Variants in USP6NL observed in about 807,000 individuals in gnomAD.
USP6NL encodes the protein USP6 N-terminal like, also known as USP6 N-terminal-like protein.
USP6NL carries 26 observed loss-of-function variants against 61.9 expected under a neutral mutation model. The ratio of observed to expected loss-of-function variants is 0.42; its 90% CI spans 0.31 to 0.58. The LOEUF (loss-of-function observed/expected upper bound fraction) is 0.58, where lower values mean the gene tolerates loss of function less well. Among genes scored for constraint, USP6NL ranks in the 20% least tolerant of loss-of-function variants. The pLI, the probability that USP6NL is intolerant of heterozygous loss-of-function variation, is 0.16. For synonymous variants in USP6NL, 432 were observed against 390.1 expected (o/e 1.11, Z -1.27); for missense variants, 1,114 against 1,034.3 (o/e 1.08, Z -1.06).
chr10:11,503,235 T>C (rs1410955244), intron 6 of USP6NL, among the ~76,000 whole-genome samples: 1 of 152,202 alleles, frequency 6.6e-6, no homozygotes, highest in East Asian at 1.9e-4. Context: ...CTGACTTCAG[T>C]GGACCCGAAC....
rs575466049 is a variant in USP6NL at position 11,536,504 on chromosome 10, G to A, written c.5-8937C>T. Among the ~76,000 whole-genome samples the A allele has an allele frequency of 9.9e-5, 15 of 152,260 alleles. No homozygotes were observed. The East Asian group carries it at 2.9e-3, about 29-fold the overall frequency. ...AAGAACAAGGTTTAGACAATCAATA[G>A]CTTATGTTATTTTGATGTAAATTCT... On this transcript the variant is annotated intron_variant, in intron 2 of 14. Transcript: ENST00000609104.
intron 14 of USP6NL, among the ~76,000 whole-genome samples, chr10:11,466,380 T>C (rs573136796): frequency 2.0e-5 from 3 of 152,326 alleles, no homozygotes; most frequent in African/African-American, 7.2e-5. Flanking sequence ...GTTTCCCAAA[T>C]GTTGTTAAGC....
intron 2 of USP6NL, among the ~76,000 whole-genome samples, chr10:11,590,700 T>C (rs1166796029): frequency 1.3e-5 from 2 of 152,100 alleles, no homozygotes; most frequent in Non-Finnish European, 2.9e-5. Context: ...CTCTATTTTC[T>C]AAAACTAATG....
rs561781544 is a variant in USP6NL, at chr10:11,481,087, T to C, written c.1078+683A>G. 2.6e-5 allele frequency among the ~76,000 whole-genome samples: 4 copies of C among 152,322 alleles called. No individual in the cohort carries two copies. The highest frequency in any genetic ancestry group is 9.6e-5 in the African/African-American group (4 of 41,566). Reference sequence around the variant, plus strand: ...ATGCCCCATTCACCCTCTGTTATCATTCTCGTATATTCTAGCTCTCCAGTG... The same window carrying C: ...ATGCCCCATTCACCCTCTGTTATCACTCTCGTATATTCTAGCTCTCCAGTG... On this transcript the variant is annotated intron_variant, in intron 14 of 14. Transcript: ENST00000609104. The surrounding 1 kb of genome is among the most constrained non-coding windows in gnomAD (Gnocchi z 4.4).
In USP6NL at chr10:11,585,924, G is replaced by C. The variant is rs1028015950; in HGVS notation, c.4+11707C>G. ...GAGGTACCTAGAGGTCAGAGGCCGG[G>C]AAGAGGAAGAAACAGAGCATTAGTG... On this transcript the variant is annotated intron_variant, in intron 2 of 14. Transcript: ENST00000609104. This position sits in a 1 kb window ranked among gnomAD's most constrained non-coding sequence, Gnocchi z 4.5. Among the ~76,000 whole-genome samples, 1 of 152,140 alleles carries C rather than the reference G, an allele frequency of 6.6e-6. No homozygotes were observed. The highest frequency in any genetic ancestry group is 2.1e-4 in the South Asian group (1 of 4,826).
chr10:11,471,416 G>A (rs962568998), intron 14 of USP6NL, among the ~76,000 whole-genome samples: 15 of 152,290 alleles, frequency 9.8e-5, no homozygotes, highest in African/African-American at 3.6e-4. Flanking sequence ...AAGTCAGTGT[G>A]GCGATTCCTC....
chr10:11,539,844 A>C (rs1835979615), intron 2 of USP6NL, among the ~76,000 whole-genome samples: 1 of 152,200 alleles, frequency 6.6e-6, no homozygotes, highest in Admixed American at 6.5e-5. Flanking sequence ...AACATGCATA[A>C]TCTCACTTAA....
chr10:11,576,473 T>C (rs1177998737), intron 2 of USP6NL, among the ~76,000 whole-genome samples: 2 of 152,196 alleles, frequency 1.3e-5, no homozygotes, highest in East Asian at 3.8e-4. Context: ...GGAGCAGAGC[T>C]TTCATTAATG....
Position 11,589,624 on chromosome 10 carries a change from G to C in USP6NL, c.4+8007C>G, listed in dbSNP as rs1484887952. Among the ~76,000 whole-genome samples the C allele has an allele frequency of 6.6e-6, 1 of 152,174 alleles. No homozygotes were observed. Among genetic ancestry groups the C allele is most frequent in the Non-Finnish European group, 1.5e-5 (1 of 68,030 alleles). On this transcript the variant is annotated intron_variant, in intron 2 of 14. Coordinates refer to ENST00000609104, the MANE Select transcript of USP6NL (RefSeq NM_014688.5). This position sits in a 1 kb window ranked among gnomAD's most constrained non-coding sequence, Gnocchi z 4.7. ...ACATAACTAGGTTCACCAGTGAAGA[G>C]ATCAAACACAGTGCTTTACTGTAGT...
At chr10:11,577,714 TG>T (rs1266570784) in intron 2 of USP6NL, among the ~76,000 whole-genome samples, 3 of 151,868 alleles carry the variant, frequency 2.0e-5, no homozygotes, top group African/African-American at 4.8e-5. Context: ...TTGGCCAAGC[TG>T]GTCTCGAACT....
chr10:11,543,527 G>C (rs572729559), intron 2 of USP6NL, among the ~76,000 whole-genome samples: 6 of 151,664 alleles, frequency 4.0e-5, no homozygotes, highest in Non-Finnish European at 7.4e-5. Context: ...GGGTGACAGA[G>C]TGAGACTCCA....
At chr10:11,519,501 G>T (rs1835111693) in intron 4 of USP6NL, among the ~76,000 whole-genome samples, 1 of 152,090 alleles carries the variant, frequency 6.6e-6, no homozygotes, top group African/African-American at 2.4e-5. Context: ...ATGTTGGCAG[G>T]TGCCTGTAAT....
At chr10:11,519,333 C>G (rs1020906954) in intron 4 of USP6NL, among the ~76,000 whole-genome samples, 4 of 152,096 alleles carry the variant, frequency 2.6e-5, no homozygotes, top group African/African-American at 9.7e-5. Flanking sequence ...TTATTCAGTA[C>G]AACAAAGAAT....
At position 11,513,944 on chromosome 10, in the gene USP6NL, G is replaced by A. The variant is rs2133359899; in HGVS notation, c.196-4269C>T. ...AGTCAAGGCCACACTATCTGGCTTT[G>A]TGTGATTGGCTCCTCTGGATTTCAG... is the stretch of plus-strand genomic sequence containing the variant. On this transcript the variant is annotated intron_variant, in intron 5 of 14. Coordinates refer to ENST00000609104, the MANE Select transcript of USP6NL (RefSeq NM_014688.5). The surrounding 1 kb of genome is among the most constrained non-coding windows in gnomAD (Gnocchi z 4.7). Among the ~76,000 whole-genome samples the A allele has an allele frequency of 6.6e-6, 1 of 152,304 alleles. No homozygotes were observed. The highest frequency in any genetic ancestry group is 1.5e-5 in the Non-Finnish European group (1 of 68,034).
At chr10:11,515,657 C>T (rs1433175343) in intron 5 of USP6NL, among the ~76,000 whole-genome samples, 2 of 152,122 alleles carry the variant, frequency 1.3e-5, no homozygotes, top group Non-Finnish European at 2.9e-5. Context: ...TCTTGGTAAC[C>T]GGAAGTATTC....
intron 14 of USP6NL, among the ~76,000 whole-genome samples, chr10:11,464,376 G>A (rs927476702): frequency 4.6e-5 from 7 of 152,200 alleles, no homozygotes; most frequent in South Asian, 4.1e-4. Context: ...GTCACTGCGC[G>A]CTGGCCACTG....
chr10:11,473,458 G>C (rs1425508515), intron 14 of USP6NL, among the ~76,000 whole-genome samples: 1 of 152,176 alleles, frequency 6.6e-6, no homozygotes, highest in African/African-American at 2.4e-5. Flanking sequence ...GGCTGAGAAG[G>C]CTTCAGGCGA....
At chr10:11,578,852 C>T (rs1837645073) in intron 2 of USP6NL, among the ~76,000 whole-genome samples, 1 of 152,210 alleles carries the variant, frequency 6.6e-6, no homozygotes, top group South Asian at 2.1e-4. Context: ...TGTCATTTTA[C>T]TAGGTACTTG....
Position 11,587,229 on chromosome 10 carries a change from A to G in USP6NL, c.4+10402T>C, listed in dbSNP as rs554104226. 1.3e-5 allele frequency among the ~76,000 whole-genome samples: 2 copies of G among 152,332 alleles called. No homozygotes were observed. Among genetic ancestry groups the G allele is most frequent in the African/African-American group, 4.8e-5 (2 of 41,586 alleles). On this transcript the variant is annotated intron_variant, in intron 2 of 14. Transcript: ENST00000609104. This position sits in a 1 kb window ranked among gnomAD's most constrained non-coding sequence, Gnocchi z 4.5. ...AATTAAAACAATTATTATTTATTCA[A>G]AATTACAATTCTCTCCCTTAAAACT...
Sources: gnomAD v4.1 joint callset for allele counts (sites outside exome capture counted in the v4.1 genomes callset) on GRCh38, gnomAD v4.1.1 for gene constraint, Gnocchi (gnomAD v3.1) non-coding constraint, MANE v1.5 for transcripts, NCBI Gene and HGNC (gene_info 2026-07-23, HGNC 2026-07-21) for gene names.